The following EFCAB5 variants were observed in gnomAD, a reference collection of about 807,000 sequenced individuals.
The protein encoded by EFCAB5 is EF-hand calcium-binding domain-containing protein 5.
EFCAB5 carries 131 observed loss-of-function variants against 167.9 expected under a neutral mutation model. The ratio of observed to expected loss-of-function variants is 0.78; its 90% CI spans 0.68 to 0.90. The LOEUF is 0.90. Ranked by LOEUF, EFCAB5 falls within the 40% of genes least tolerant of loss-of-function variation. EFCAB5 has a pLI of 0.00. For synonymous variants in EFCAB5, 574 were observed against 602.8 expected (o/e 0.95, Z 0.70); for missense variants, 1,663 against 1,745.2 (o/e 0.95, Z 0.84).
chr17:29,994,960 A>AT (rs1283886603), intron 5 of EFCAB5, among the ~76,000 whole-genome samples: 1 of 152,176 alleles, frequency 6.6e-6, no homozygotes, highest in African/African-American at 2.4e-5. Context: ...TCCTTTAATG[A>AT]TTTTTTTAAG....
chr17:30,086,688 T>C lies in EFCAB5; in HGVS notation c.3580-375T>C, dbSNP rs1184662241. Reference sequence around the variant, plus strand: ...CAGGTGGATCACATGAGGTGAGGAGTTCAAGACCAGCCTGGTCAACATGGT... The same window carrying C: ...CAGGTGGATCACATGAGGTGAGGAGCTCAAGACCAGCCTGGTCAACATGGT... On this transcript the variant is annotated intron_variant, in intron 18 of 22. Transcript: ENST00000394835. 2.0e-5 allele frequency among the ~76,000 whole-genome samples: 3 copies of C among 151,642 alleles called. No homozygotes were observed. The East Asian group carries it at 5.8e-4, about 29-fold the overall frequency.
chr17:30,096,670 TATATATA>T (rs1383304123), intron 22 of EFCAB5, among the ~76,000 whole-genome samples: 791 of 61,918 alleles, frequency 0.013, 15 homozygotes, highest in African/African-American at 0.053. Flanking sequence ...TATATATATA[TATATATA>T]TTTTTTTTTT....
At chr17:30,094,869 C>T (rs1425113939) in intron 22 of EFCAB5, among the ~76,000 whole-genome samples, 1 of 152,184 alleles carries the variant, frequency 6.6e-6, no homozygotes, top group African/African-American at 2.4e-5. Flanking sequence ...GTGGGGGACC[C>T]TCTGACTCCA....
intron 22 of EFCAB5, among the ~76,000 whole-genome samples, chr17:30,104,090 CATGTT>C (rs2071415476): frequency 6.6e-6 from 1 of 152,144 alleles, no homozygotes; most frequent in African/African-American, 2.4e-5. Flanking sequence ...GTGTGGCTGT[CATGTT>C]AAGGAGTGAC....
rs5819879 is a variant in EFCAB5 at position 30,104,551 on chromosome 17, CAA to C, written c.4322-3273_4322-3272del. Among the ~76,000 whole-genome samples, 162 of 145,928 alleles carry C rather than the reference CAA, an allele frequency of 1.1e-3. 1 individual carries two copies. The highest frequency in any genetic ancestry group is 3.5e-3 in the African/African-American group (142 of 40,148). ...TACTATACACTTTTCCAAAGCAAAG[CAA>C]AAAAAAAAAGCGTTATTTCTATGGT... is the stretch of plus-strand genomic sequence containing the variant. On this transcript the variant is annotated intron_variant, in intron 22 of 22. Transcript: ENST00000394835.
At chr17:29,935,782 G>A (rs1333025285) in intron 1 of EFCAB5, among the ~76,000 whole-genome samples, 1 of 151,850 alleles carries the variant, frequency 6.6e-6, no homozygotes, top group African/African-American at 2.4e-5. Flanking sequence ...GAAATTTAGA[G>A]GATTGGCCCC....
chr17:30,094,279 C>T (rs2151851788), intron 22 of EFCAB5, among the ~76,000 whole-genome samples: 1 of 152,090 alleles, frequency 6.6e-6, no homozygotes, highest in Non-Finnish European at 1.5e-5. Context: ...GTGCAGCAAA[C>T]AAACATGGCA....
chr17:29,986,637 ATTTTTT>A (rs911310972), intron 4 of EFCAB5, among the ~76,000 whole-genome samples: 7 of 58,076 alleles, frequency 1.2e-4, no homozygotes, highest in Non-Finnish European at 1.9e-4. Context: ...GAGTATATTC[ATTTTTT>A]TTTTTTTTTT....
intron 3 of EFCAB5, among the ~76,000 whole-genome samples, chr17:29,968,544 G>T (rs1039243287): frequency 6.6e-6 from 1 of 152,044 alleles, no homozygotes; most frequent in South Asian, 2.1e-4. Context: ...AAAAATGAAC[G>T]AAAATAAACA....
chr17:30,014,863 C>A (rs1383087249), intron 7 of EFCAB5, among the ~76,000 whole-genome samples: 2 of 152,076 alleles, frequency 1.3e-5, no homozygotes, highest in Non-Finnish European at 2.9e-5. Flanking sequence ...GGTTATGTTG[C>A]CTGTTAGTTG....
chr17:30,011,954 A>T (rs563492991), intron 7 of EFCAB5, among the ~76,000 whole-genome samples: 106 of 152,320 alleles, frequency 7.0e-4, no homozygotes, highest in African/African-American at 2.4e-3. Flanking sequence ...TTATTCCAAT[A>T]TTGTAATAAT....
chr17:29,999,827 T>C lies in EFCAB5; in HGVS notation c.974-79T>C, dbSNP rs935873209. 5 of 990,774 alleles carry C rather than the reference T, an allele frequency of 5.0e-6. No individual in the cohort carries two copies. The African/African-American group carries it at 6.6e-5, about 13-fold the overall frequency. 61.4% of individuals were successfully genotyped at this position (990,774 alleles called of 1,614,324 possible). A position where few individuals can be genotyped will look rare whatever the true frequency, so the allele number is the denominator to read the frequency against. On this transcript the variant is annotated intron_variant, in intron 6 of 22. Transcript: ENST00000394835. ...TTAGCTAATAAATAATTTTATGTTC[T>C]TTTAAAGCACTATAGTATAAATATC...
In EFCAB5 at chr17:30,000,166, G is replaced by A. The variant is rs181740040; in HGVS notation, c.1044+190G>A. The stretch of plus-strand genomic sequence containing the variant: ...TACAATTTCTTTCAATCAGTATCAC[G>A]CATGATGTGAGAGTATAAAAATCGT... On this transcript the variant is annotated intron_variant, in intron 7 of 22. Transcript: ENST00000394835. Among the ~76,000 whole-genome samples the A allele has an allele frequency of 4.0e-4, 61 of 152,112 alleles. No individual in the cohort carries two copies. The South Asian group carries it at 1.0e-2, about 25-fold the overall frequency.
intron 7 of EFCAB5, among the ~76,000 whole-genome samples, chr17:30,006,547 A>T (rs575242012): frequency 1.4e-4 from 21 of 152,326 alleles, no homozygotes; most frequent in Non-Finnish European, 2.6e-4. Flanking sequence ...CCTTCTTTTT[A>T]TAGGTAGCTA....
chr17:29,986,029 T>C (rs1211550001), intron 4 of EFCAB5, among the ~76,000 whole-genome samples: 1 of 152,214 alleles, frequency 6.6e-6, no homozygotes, highest in Non-Finnish European at 1.5e-5. Context: ...ACAATCATCA[T>C]TGAAATCACA....
intron 2 of EFCAB5, 21 bp from the exon 3 acceptor site, chr17:29,943,544 A>AT (rs775039151): frequency 8.4e-6 from 13 of 1,546,960 alleles, no homozygotes; most frequent in South Asian, 4.9e-5. Flanking sequence ...GAAATTGGTG[A>AT]TTTTTTTCCT....
chr17:30,058,033 GATTCTATTTTATCATCAAAT>G, intron 13 of EFCAB5, 143 bp downstream of exon 13: 1 of 708,732 alleles, frequency 1.4e-6, no homozygotes, highest in Non-Finnish European at 2.3e-6. Flanking sequence ...AGCCATTAAA[GATTCTATTTTATCATCAAAT>G]ATTCTAAGAT....
chr17:30,045,229 G>A (rs144324235), intron 8 of EFCAB5, among the ~76,000 whole-genome samples: 1 of 152,246 alleles, frequency 6.6e-6, no homozygotes, highest in Non-Finnish European at 1.5e-5. Flanking sequence ...GGCCAAGGCA[G>A]GTGGATTGCC....
intron 7 of EFCAB5, among the ~76,000 whole-genome samples, chr17:30,004,207 A>G (rs1567708475): frequency 6.6e-6 from 1 of 152,208 alleles, no homozygotes. Context: ...CCCAGGCAAG[A>G]CCCTGTGCAA....
Sources: gnomAD v4.1 joint callset for allele counts (sites outside exome capture counted in the v4.1 genomes callset) on GRCh38, gnomAD v4.1.1 for gene constraint, MANE v1.5 for transcripts, NCBI Gene and HGNC (gene_info 2026-07-23, HGNC 2026-07-21) for gene names.